The following PLA2G10 variants were observed in gnomAD, a reference collection of about 807,000 sequenced individuals.
PLA2G10 encodes the protein phospholipase A2 group X, also known as group 10 secretory phospholipase A2.
In PLA2G10, 9 loss-of-function variants were observed where a neutral mutation model predicts 7.9. The observed-to-expected ratio is 1.14, with a 90% CI of 0.68 to 1.98. The LOEUF (loss-of-function observed/expected upper bound fraction) is 1.98, where lower values mean the gene tolerates loss of function less well. Ranked by LOEUF, PLA2G10 falls within the 30% of genes most tolerant of loss-of-function variation. PLA2G10 has a pLI of 0.00. For synonymous variants in PLA2G10, 19 were observed against 27.5 expected (o/e 0.69, Z 0.97); for missense variants, 53 against 65.4 (o/e 0.81, Z 0.66).
At chr16:14,674,501 G>C (rs974470827) in intron 3 of PLA2G10, among the ~76,000 whole-genome samples, 1 of 152,068 alleles carries the variant, frequency 6.6e-6, no homozygotes, top group Non-Finnish European at 1.5e-5. Context: ...GTCAGTTCGA[G>C]ACCAGCCTGG....
At chr16:14,687,994 G>C (rs1961142911) in intron 3 of PLA2G10, among the ~76,000 whole-genome samples, 171 bp downstream of exon 3, 1 of 150,218 alleles carries the variant, frequency 6.7e-6, no homozygotes, top group Non-Finnish European at 1.5e-5. Context: ...GCGAGACTCT[G>C]ACTCAAAAAA....
At chr16:14,686,626 G>C (rs1332112485) in intron 3 of PLA2G10, among the ~76,000 whole-genome samples, 1 of 152,060 alleles carries the variant, frequency 6.6e-6, no homozygotes, top group Admixed American at 6.6e-5. Flanking sequence ...TCAGACTCTC[G>C]AGTAGCTGGG....
chr16:14,679,262 G>T (rs1205937297), intron 3 of PLA2G10, among the ~76,000 whole-genome samples: 1 of 152,118 alleles, frequency 6.6e-6, no homozygotes, highest in Non-Finnish European at 1.5e-5. Context: ...GGCTGAGCAT[G>T]GTGGCTTAGG....
chr16:14,679,831 C>T (rs1366309751), intron 3 of PLA2G10, among the ~76,000 whole-genome samples: 1 of 152,042 alleles, frequency 6.6e-6, no homozygotes, highest in Non-Finnish European at 1.5e-5. Flanking sequence ...GCCTGGGTGA[C>T]AGATCGAGAT....
intron 3 of PLA2G10, among the ~76,000 whole-genome samples, chr16:14,677,938 A>G (rs1302932320): frequency 6.6e-6 from 1 of 152,140 alleles, no homozygotes; most frequent in African/African-American, 2.4e-5. Context: ...GGATGGATAG[A>G]TGGATGATAG....
chr16:14,677,768 A>G (rs1363634892), intron 3 of PLA2G10, among the ~76,000 whole-genome samples: 1 of 151,136 alleles, frequency 6.6e-6, no homozygotes, highest in African/African-American at 2.4e-5. Context: ...GGATGGCTGG[A>G]TAGATGGATG....
At chr16:14,673,686 T>A (rs1010504566) in intron 3 of PLA2G10, among the ~76,000 whole-genome samples, 2 of 152,082 alleles carry the variant, frequency 1.3e-5, no homozygotes, top group African/African-American at 4.8e-5. Flanking sequence ...ATATTTTTTT[T>A]AAAGAAACAT....
Position 14,674,676 on chromosome 16 carries a change from T to C in PLA2G10, c.356-1927A>G, listed in dbSNP as rs530697204. Among the ~76,000 whole-genome samples the C allele has an allele frequency of 2.0e-3, 299 of 151,302 alleles. 2 individuals are homozygous for C. The highest frequency in any genetic ancestry group is 7.0e-3 in the African/African-American group (290 of 41,188). On this transcript the variant is annotated intron_variant, in intron 3 of 3. Coordinates refer to ENST00000438167, the MANE Select transcript of PLA2G10 (RefSeq NM_003561.3). ...AGATCATGCCCCCTGCACTCCAGCCTGGGTGACAGAGAGACTCCATCTAAA... is the reference window on the plus strand; with the variant it reads ...AGATCATGCCCCCTGCACTCCAGCCCGGGTGACAGAGAGACTCCATCTAAA...
At chr16:14,685,282 G>A (rs1961021132) in intron 3 of PLA2G10, among the ~76,000 whole-genome samples, 1 of 151,256 alleles carries the variant, frequency 6.6e-6, no homozygotes, top group South Asian at 2.1e-4. Context: ...TGAGGCAGGA[G>A]AATCGCTTGA....
At chr16:14,686,110 C>T (rs1457729663) in intron 3 of PLA2G10, among the ~76,000 whole-genome samples, 1 of 150,230 alleles carries the variant, frequency 6.7e-6, no homozygotes, top group Non-Finnish European at 1.5e-5. Context: ...CCTCCTTCCT[C>T]AGCCTCCCAA....
chr16:14,680,101 C>CTTTTT (rs34700124), intron 3 of PLA2G10, among the ~76,000 whole-genome samples: 1 of 139,608 alleles, frequency 7.2e-6, no homozygotes, highest in Non-Finnish European at 1.5e-5. Flanking sequence ...TTTTGCTTTT[C>CTTTTT]TTTTTTTTTT....
chr16:14,674,888 A>C (rs1186714247), intron 3 of PLA2G10, among the ~76,000 whole-genome samples: 7 of 151,836 alleles, frequency 4.6e-5, no homozygotes, highest in African/African-American at 1.7e-4. Context: ...CAAAGCACTC[A>C]AGGCCAGGCG....
intron 3 of PLA2G10, among the ~76,000 whole-genome samples, chr16:14,679,721 C>G (rs1038956380): frequency 7.9e-5 from 12 of 151,462 alleles, no homozygotes; most frequent in South Asian, 2.1e-4. Flanking sequence ...CATGGTGGCA[C>G]GTGCCTGTAG....
At chr16:14,678,671 G>A in intron 3 of PLA2G10, 1 of 383,754 alleles carries the variant, frequency 2.6e-6, no homozygotes, top group South Asian at 1.9e-5. Flanking sequence ...TCAGGAGGCT[G>A]AGGTGCGAGG....
At chr16:14,687,601 G>A (rs929208837) in intron 3 of PLA2G10, among the ~76,000 whole-genome samples, 11 of 151,962 alleles carry the variant, frequency 7.2e-5, no homozygotes, top group Admixed American at 2.6e-4. Context: ...CATTTACACT[G>A]TTTATTATCT....
chr16:14,680,540 G>A (rs541646636), intron 3 of PLA2G10, among the ~76,000 whole-genome samples: 23 of 152,098 alleles, frequency 1.5e-4, no homozygotes, highest in Admixed American at 9.8e-4. Context: ...ACAGGCATGC[G>A]CTACTATGCC....
At chr16:14,675,232 T>C (rs2151849137) in intron 3 of PLA2G10, among the ~76,000 whole-genome samples, 1 of 146,708 alleles carries the variant, frequency 6.8e-6, no homozygotes, top group South Asian at 2.2e-4. Flanking sequence ...ATTCAATAAA[T>C]AGTACTGGGA....
intron 3 of PLA2G10, among the ~76,000 whole-genome samples, chr16:14,681,033 G>A (rs146040443): frequency 7.8e-4 from 119 of 151,994 alleles, no homozygotes; most frequent in African/African-American, 2.7e-3. Flanking sequence ...GGGTATGGTG[G>A]TGCGCCTGTA....
chr16:14,677,804 G>A (rs1349812451), intron 3 of PLA2G10, among the ~76,000 whole-genome samples: 1 of 151,504 alleles, frequency 6.6e-6, no homozygotes, highest in Admixed American at 6.6e-5. Flanking sequence ...GAAGATGGGT[G>A]GATGGATGAT....
Sources: allele counts gnomAD v4.1 joint callset (sites outside exome capture counted in the v4.1 genomes callset), GRCh38; gene constraint gnomAD v4.1.1; transcripts MANE v1.5; gene names NCBI Gene and HGNC (gene_info 2026-07-23, HGNC 2026-07-21).